The following LHX8 variants were observed in gnomAD, a reference collection of about 807,000 sequenced individuals.
LHX8 encodes the protein LIM homeobox 8, also known as LIM/homeobox protein Lhx8.
Under a neutral mutation model 40.3 loss-of-function variants are expected in LHX8, and 12 were observed. The ratio of observed to expected loss-of-function variants is 0.30; its 90% CI spans 0.19 to 0.48. LHX8 has a LOEUF of 0.48. Among genes scored for constraint, LHX8 ranks in the 20% least tolerant of loss-of-function variants. The pLI is 0.99. For missense variants in LHX8, 344 were observed against 433.7 expected (o/e 0.79, Z 1.84); for synonymous variants, 179 against 162.0 (o/e 1.10, Z -0.80).
the LHX8 span, among the ~76,000 whole-genome samples, chr1:75,188,721 C>T: frequency 3.9e-5 from 6 of 152,248 alleles, no homozygotes; most frequent in Admixed American, 2.6e-4. Flanking sequence ...GATAATGCTC[C>T]GAACATGTGA....
upstream of LHX8, chr1:75,129,908 T>C (rs931619235): frequency 1.1e-5 from 1 of 94,240 alleles, no homozygotes; most frequent in East Asian, 2.0e-4. Context: ...TTGGATTCTC[T>C]CTCTCTCTCT....
chr1:75,189,288 C>T, the LHX8 span, among the ~76,000 whole-genome samples: 3 of 152,178 alleles, frequency 2.0e-5, no homozygotes, highest in Non-Finnish European at 2.9e-5. Context: ...ATGATCCTTA[C>T]TTTCCCCTTG....
chr1:75,175,181 T>C, the LHX8 span, among the ~76,000 whole-genome samples: 1 of 152,222 alleles, frequency 6.6e-6, no homozygotes, highest in African/African-American at 2.4e-5. Context: ...ATGGTATAGA[T>C]CACATTTTCT....
chr1:75,199,180 T>C, the LHX8 span, among the ~76,000 whole-genome samples: 2 of 152,210 alleles, frequency 1.3e-5, no homozygotes, highest in South Asian at 4.1e-4. Flanking sequence ...ATGAATTGCG[T>C]TCAGAAGGCA....
the LHX8 span, among the ~76,000 whole-genome samples, chr1:75,181,778 A>G: frequency 6.6e-6 from 1 of 152,194 alleles, no homozygotes; most frequent in East Asian, 1.9e-4. Flanking sequence ...TGTCTTCTGC[A>G]TCGATCATAC....
At chr1:75,165,552 GTGTA>G (rs1465221525), downstream of LHX8, among the ~76,000 whole-genome samples, 4 of 152,126 alleles carry the variant, frequency 2.6e-5, no homozygotes, top group African/African-American at 9.7e-5. Context: ...GGGATGGACT[GTGTA>G]TGGGCACTTG....
intron 4 of LHX8, among the ~76,000 whole-genome samples, chr1:75,141,602 T>C (rs1048668725): frequency 2.0e-5 from 3 of 152,126 alleles, no homozygotes; most frequent in Admixed American, 1.3e-4. Flanking sequence ...GAATTGATCA[T>C]TCTGGTATAA....
chr1:75,132,261 C>T (rs1440574924), upstream of LHX8: 1 of 152,328 alleles, frequency 6.6e-6, no homozygotes, highest in Non-Finnish European at 1.5e-5. Flanking sequence ...GGACGATCAG[C>T]CCTGGGATTC....
chr1:75,151,566 G>T (rs947200593), intron 7 of LHX8, among the ~76,000 whole-genome samples: 1 of 152,176 alleles, frequency 6.6e-6, no homozygotes, highest in Non-Finnish European at 1.5e-5. Flanking sequence ...AAAGGCACTG[G>T]TGTTCACTCA....
the LHX8 span, among the ~76,000 whole-genome samples, chr1:75,179,036 G>T: frequency 6.6e-6 from 1 of 152,212 alleles, no homozygotes; most frequent in Non-Finnish European, 1.5e-5. Flanking sequence ...TGGTCTGAGA[G>T]GCAGTTTGTT....
At chr1:75,164,726 CTT>C (rs201120196), downstream of LHX8, among the ~76,000 whole-genome samples, 36 of 135,226 alleles carry the variant, frequency 2.7e-4, no homozygotes, top group Admixed American at 3.0e-4. Context: ...AACCAGTATC[CTT>C]TTTTTTTTTT....
chr1:75,162,934 A>G (rs1196884676), downstream of LHX8, among the ~76,000 whole-genome samples: 2 of 151,768 alleles, frequency 1.3e-5, no homozygotes, highest in East Asian at 1.9e-4. Flanking sequence ...AAAACTCTAT[A>G]TTGTTGGAGT....
At chr1:75,181,598 T>C in the LHX8 span, among the ~76,000 whole-genome samples, 1 of 152,180 alleles carries the variant, frequency 6.6e-6, no homozygotes, top group South Asian at 2.1e-4. Flanking sequence ...CCCGGTACAG[T>C]CTGTCATGGC....
At chr1:75,158,686 A>T (rs1296939554) in intron 8 of LHX8, among the ~76,000 whole-genome samples, 3 of 152,066 alleles carry the variant, frequency 2.0e-5, no homozygotes, top group African/African-American at 7.2e-5. Flanking sequence ...CAATTTCTGT[A>T]CCTTCTGTTC....
At chr1:75,178,123 G>T in the LHX8 span, among the ~76,000 whole-genome samples, 2 of 152,258 alleles carry the variant, frequency 1.3e-5, no homozygotes, top group Non-Finnish European at 2.9e-5. Context: ...CAGGGATATT[G>T]GTCTAAAATT....
chr1:75,128,886 C>G (rs1311149774), intron 1 of LHX8, among the ~76,000 whole-genome samples: 1 of 152,174 alleles, frequency 6.6e-6, no homozygotes, highest in Non-Finnish European at 1.5e-5. Context: ...ATCTCTGGAG[C>G]CTCTGCAGCC....
chr1:75,171,578 T>C, the LHX8 span, among the ~76,000 whole-genome samples: 2 of 152,194 alleles, frequency 1.3e-5, no homozygotes, highest in Non-Finnish European at 2.9e-5. Context: ...AGCTGACAAC[T>C]GAGGATAAAG....
chr1:75,196,219 C>G, the LHX8 span, among the ~76,000 whole-genome samples: 3 of 152,036 alleles, frequency 2.0e-5, no homozygotes, highest in South Asian at 6.2e-4. Context: ...CCTGTGAGCA[C>G]TATTGTCAAT....
At chr1:75,133,419 A>G (rs1266791625), upstream of LHX8, among the ~76,000 whole-genome samples, 2 of 152,146 alleles carry the variant, frequency 1.3e-5, no homozygotes, top group African/African-American at 4.8e-5. Flanking sequence ...AGGCAAGGAG[A>G]TAAGATATGT....
Sources: allele counts gnomAD v4.1 joint callset (sites outside exome capture counted in the v4.1 genomes callset), GRCh38; gene constraint gnomAD v4.1.1; transcripts MANE v1.5; gene names NCBI Gene and HGNC (gene_info 2026-07-23, HGNC 2026-07-21).